Variants in MXI1 observed in about 807,000 individuals in gnomAD.
MXI1 encodes MAX interactor 1, dimerization protein.
MXI1 carries 18 observed loss-of-function variants against 36.9 expected under a neutral mutation model. The observed-to-expected ratio is 0.49, with a 90% CI of 0.34 to 0.72. The LOEUF is 0.72. MXI1 is among the 30% of genes least tolerant of loss of function. MXI1 has a pLI of 0.01. For synonymous variants in MXI1, 160 were observed against 146.7 expected (o/e 1.09, Z -0.65); for missense variants, 304 against 379.1 (o/e 0.80, Z 1.64).
chr10:110,214,414 AC>A (rs1000161154), intron 1 of MXI1, among the ~76,000 whole-genome samples: 1 of 149,392 alleles, frequency 6.7e-6, no homozygotes, highest in Non-Finnish European at 1.5e-5. Context: ...AGGAAACACC[AC>A]CCCCCTCCTG....
intron 1 of MXI1, among the ~76,000 whole-genome samples, chr10:110,215,879 A>C (rs1456978393): frequency 6.6e-6 from 1 of 152,050 alleles, no homozygotes; most frequent in Non-Finnish European, 1.5e-5. Flanking sequence ...GAGAGAAAAA[A>C]AAGAGAGGGA....
At chr10:110,274,172 G>GA (rs1282212057) in intron 3 of MXI1, among the ~76,000 whole-genome samples, 3 of 152,134 alleles carry the variant, frequency 2.0e-5, no homozygotes, top group Admixed American at 1.3e-4. Context: ...TTCCTTCAGG[G>GA]AAAAATGATA....
chr10:110,246,650 A>C (rs4918488), intron 3 of MXI1, among the ~76,000 whole-genome samples: 37,081 of 152,080 alleles, frequency 0.24, 5,684 homozygotes, highest in African/African-American at 0.44. Context: ...TGTTTTGTTC[A>C]ATTTTGTATC....
chr10:110,266,638 C>A (rs563214777), intron 3 of MXI1, among the ~76,000 whole-genome samples: 2 of 152,236 alleles, frequency 1.3e-5, no homozygotes, highest in South Asian at 4.2e-4. Context: ...TTTTGGAGTA[C>A]TATTGAAGAT....
intron 3 of MXI1, chr10:110,257,604 A>C (rs1276934864): frequency 6.4e-6 from 1 of 155,146 alleles, no homozygotes; most frequent in Non-Finnish European, 1.4e-5. Flanking sequence ...AGCCACTGCG[A>C]AGGGCAAGAT....
Position 110,208,001 on chromosome 10 carries a change from C to T in MXI1, c.193C>T (p.His65Tyr). Reference protein sequence around the residue: ...FNTSENSMEKHINTFLQNVQI... With the variant: ...FNTSENSMEKYINTFLQNVQI... ...CACCAGCGAGAACTCGATGGAGAAG[C>T]ACATCAACACTTTTCTGCAGAACGT... The change falls in exon 1 of 6, where the codon CAC becomes TAC. Residue 65 changes from histidine to tyrosine, a missense_variant. This residue lies in a region of MXI1 where 179 missense variants were observed against 184.8 expected (regional missense o/e 0.97). Coordinates refer to ENST00000332674, the MANE Select transcript of MXI1 (RefSeq NM_130439.3). 2 of 1,603,888 alleles carry T rather than the reference C, an allele frequency of 1.2e-6. No homozygotes were observed. Among genetic ancestry groups the T allele is most frequent in the East Asian group, 2.3e-5 (1 of 43,584 alleles).
chr10:110,265,440 A>G (rs1303093981), intron 3 of MXI1, among the ~76,000 whole-genome samples: 3 of 152,170 alleles, frequency 2.0e-5, no homozygotes, highest in Admixed American at 6.5e-5. Flanking sequence ...TAATTATGCT[A>G]ATGTCTCTTA....
In MXI1 at chr10:110,228,330, C is replaced by T. The variant is rs1393092002; in HGVS notation, c.407+9C>T. ...ACCAGCACTGCCAACAGGTAGCAAG[C>T]TGGGAACGCTTAGAAGAGGGAACTG... On this transcript the variant is annotated intron_variant, in intron 2 of 5. Transcript: ENST00000332674. 9 of 1,613,938 alleles carry T rather than the reference C, an allele frequency of 5.6e-6. No individual in the cohort carries two copies. The highest frequency in any genetic ancestry group is 6.8e-6 in the Non-Finnish European group (8 of 1,180,026).
chr10:110,270,069 T>C (rs756031051), intron 3 of MXI1, among the ~76,000 whole-genome samples: 1 of 152,228 alleles, frequency 6.6e-6, no homozygotes, highest in Non-Finnish European at 1.5e-5. Context: ...CAGAGCCTGA[T>C]CTCTCTAGAG....
rs570945969 is a variant in MXI1, at chr10:110,217,424, G to A, written c.274+9342G>A. ...GCTATTGTATTAAAGTGGAGGACAT[G>A]CCCAGGGCTGCTCTGGGCAAGTGAG... On this transcript the variant is annotated intron_variant, in intron 1 of 5. Transcript: ENST00000332674. 7.9e-5 allele frequency among the ~76,000 whole-genome samples: 12 copies of A among 152,250 alleles called. No individual in the cohort carries two copies. The South Asian group carries it at 2.1e-3, about 26-fold the overall frequency.
rs892299585 is a variant in MXI1 at position 110,286,081 on chromosome 10, T to G, written c.*1094T>G. On this transcript the variant is annotated 3_prime_UTR_variant, in exon 6 of 6. Coordinates refer to ENST00000332674, the MANE Select transcript of MXI1 (RefSeq NM_130439.3). ...TGCACAAAATGAATGAGGTCTGGGC[T>G]AGGTAGAAAAAGGGTCAATGCTATT... 1.3e-5 allele frequency: 2 copies of G among 152,640 alleles called. No individual in the cohort carries two copies. The highest frequency in any genetic ancestry group is 4.8e-5 in the African/African-American group (2 of 41,456). 9.5% of individuals were successfully genotyped at this position (152,640 alleles called of 1,614,324 possible). A position where few individuals can be genotyped will look rare whatever the true frequency, so the allele number is the denominator to read the frequency against.
At chr10:110,264,873 T>TA (rs938956112) in intron 3 of MXI1, among the ~76,000 whole-genome samples, 1 of 152,194 alleles carries the variant, frequency 6.6e-6, no homozygotes, top group Admixed American at 6.5e-5. Flanking sequence ...GAATGGAATA[T>TA]AAAAAAATTG....
At chr10:110,235,891 C>T (rs932379452) in intron 2 of MXI1, among the ~76,000 whole-genome samples, 9 of 151,968 alleles carry the variant, frequency 5.9e-5, no homozygotes, top group African/African-American at 2.2e-4. Context: ...CCAGTAATCC[C>T]AGCTACTTGG....
At chr10:110,234,800 A>G (rs939150787) in intron 2 of MXI1, among the ~76,000 whole-genome samples, 2 of 152,164 alleles carry the variant, frequency 1.3e-5, no homozygotes, top group Non-Finnish European at 2.9e-5. Context: ...TATGTTTAAG[A>G]GCAATTATTT....
chr10:110,217,969 A>C (rs902608183), intron 1 of MXI1, among the ~76,000 whole-genome samples: 3 of 152,188 alleles, frequency 2.0e-5, no homozygotes, highest in Non-Finnish European at 4.4e-5. Context: ...TCCAATATGC[A>C]GGTGCTATAA....
intron 2 of MXI1, among the ~76,000 whole-genome samples, chr10:110,229,504 C>T (rs1855185024): frequency 6.6e-6 from 1 of 152,222 alleles, no homozygotes; most frequent in South Asian, 2.1e-4. Context: ...CTCTGTATTT[C>T]AGACATCACC....
At chr10:110,255,289 T>TCA (rs1336445167) in intron 3 of MXI1, among the ~76,000 whole-genome samples, 1 of 152,242 alleles carries the variant, frequency 6.6e-6, no homozygotes, top group African/African-American at 2.4e-5. Flanking sequence ...CGCCTACTGT[T>TCA]GAGACATACT....
chr10:110,267,297 A>G (rs1445500829), intron 3 of MXI1, among the ~76,000 whole-genome samples: 1 of 152,216 alleles, frequency 6.6e-6, no homozygotes, highest in African/African-American at 2.4e-5. Flanking sequence ...TTGATAAAAT[A>G]TTGCTATTGG....
Position 110,259,663 on chromosome 10 carries a change from T to C in MXI1, c.437+14806T>C, listed in dbSNP as rs536784058. Among the ~76,000 whole-genome samples the C allele has an allele frequency of 7.6e-4, 116 of 152,096 alleles. 1 individual carries two copies. Among genetic ancestry groups the C allele is most frequent in the Non-Finnish European group, 1.4e-3 (98 of 67,924 alleles). On this transcript the variant is annotated intron_variant, in intron 3 of 5. Transcript: ENST00000332674. ...TGAGAGACTTTGTTAGTATCTTGCA[T>C]TTATATTCTAAAAATGAAGAGATTC...
Sources: allele counts gnomAD v4.1 joint callset (sites outside exome capture counted in the v4.1 genomes callset), GRCh38; gene constraint gnomAD v4.1.1; regional missense constraint gnomAD v4.1.1; transcripts MANE v1.5; gene names NCBI Gene and HGNC (gene_info 2026-07-23, HGNC 2026-07-21).